FLRT1: variants seen among roughly 807,000 people sequenced by gnomAD.
The protein encoded by FLRT1 is fibronectin leucine rich transmembrane protein 1.
A neutral mutation model predicts 30.9 loss-of-function variants in FLRT1; 14 were observed. That is an observed-to-expected ratio of 0.45 (90% confidence interval 0.30 to 0.71). The LOEUF is 0.71. Ranked by LOEUF, FLRT1 falls within the 30% of genes least tolerant of loss-of-function variation. The pLI, the probability that FLRT1 is intolerant of heterozygous loss-of-function variation, is 0.08. For missense variants in FLRT1, 737 were observed against 949.2 expected (o/e 0.78, Z 2.94); for synonymous variants, 368 against 430.4 (o/e 0.85, Z 1.80).
intron 1 of FLRT1, among the ~76,000 whole-genome samples, chr11:64,051,672 G>A (rs1943698371): frequency 1.3e-5 from 2 of 152,292 alleles, no homozygotes; most frequent in Admixed American, 6.5e-5. Flanking sequence ...CCGAGCTCAC[G>A]GCCCGGAGCT....
chr11:64,089,163 A>G (rs12805664), intron 1 of FLRT1, among the ~76,000 whole-genome samples: 33,255 of 152,154 alleles, frequency 0.22, 3,993 homozygotes, highest in African/African-American at 0.32. Context: ...TTCCAGGCAC[A>G]GGGCGGGTCG....
At chr11:64,046,582 G>A (rs1943588349) in intron 1 of FLRT1, among the ~76,000 whole-genome samples, 1 of 152,088 alleles carries the variant, frequency 6.6e-6, no homozygotes. Context: ...ACGGAGTTTT[G>A]TTCTCGTCGC....
In FLRT1 at chr11:64,117,751, C is replaced by G. The variant is rs755883574; in HGVS notation, c.1484C>G (p.Thr495Arg). 6.8e-6 allele frequency: 11 copies of G among 1,613,934 alleles called. No individual in the cohort carries two copies. The highest frequency in any genetic ancestry group is 9.3e-6 in the Non-Finnish European group (11 of 1,180,040). ...VQGDKTEYLL[T>R]ALEPKSTYII... Reference sequence around the variant, plus strand: ...GGGGACAAGACAGAGTACCTGCTGACAGCCCTGGAGCCCAAGTCCACCTAC... The same window carrying G: ...GGGGACAAGACAGAGTACCTGCTGAGAGCCCTGGAGCCCAAGTCCACCTAC... Residue 495 changes from threonine (T) to arginine (R), a missense_variant, in exon 3 of 3, where the codon ACA (threonine) becomes AGA (arginine). Physicochemically the swap from Thr to Arg is moderately conservative, Grantham distance 71. Transcript: ENST00000682287.
In FLRT1 at chr11:64,082,517, G is replaced by C. The variant is rs376336011; in HGVS notation, c.-1037-20677G>C. Among the ~76,000 whole-genome samples the C allele has an allele frequency of 1.7e-4, 26 of 152,168 alleles. No individual in the cohort carries two copies. The East Asian group carries it at 2.3e-3, about 14-fold the overall frequency. ...GGTCCCAGGGGGTGAAACAAGGCTC[G>C]GTGCCTAACGGTGGTGGCCGTGGGA... is the stretch of plus-strand genomic sequence containing the variant. On this transcript the variant is annotated intron_variant, in intron 1 of 2. Transcript: ENST00000682287. The surrounding 1 kb of genome is among the most constrained non-coding windows in gnomAD (Gnocchi z 4.5).
chr11:64,078,906 G>T (rs1188070861), intron 1 of FLRT1, among the ~76,000 whole-genome samples: 1 of 152,224 alleles, frequency 6.6e-6, no homozygotes, highest in African/African-American at 2.4e-5. Context: ...GAGTTTGGCA[G>T]GTTCCAGGAC....
intron 1 of FLRT1, among the ~76,000 whole-genome samples, chr11:64,089,088 C>G (rs1380031079): frequency 6.6e-6 from 1 of 152,216 alleles, no homozygotes; most frequent in Admixed American, 6.5e-5. Flanking sequence ...CGGCCTGCTG[C>G]TGTGGCTCCT....
chr11:64,051,992 G>A (rs1943704009), intron 1 of FLRT1, among the ~76,000 whole-genome samples: 1 of 151,694 alleles, frequency 6.6e-6, no homozygotes, highest in African/African-American at 2.4e-5. Flanking sequence ...GGATGAGAGG[G>A]GGTCCAGGCG....
Position 64,117,345 on chromosome 11 carries a change from C to T in FLRT1, c.1078C>T (p.Pro360Ser). The T allele has an allele frequency of 6.2e-7, 1 of 1,613,910 alleles. No homozygotes were observed. The highest frequency in any genetic ancestry group is 8.5e-7 in the Non-Finnish European group (1 of 1,179,872). ...CGTGCGGGGCCTCATGTGCCAGGGCCCTGAGAAGGTCCGGGGCATGGCCAT... is the reference window on the plus strand; with the variant it reads ...CGTGCGGGGCCTCATGTGCCAGGGCTCTGAGAAGGTCCGGGGCATGGCCAT... ...VNVRGLMCQGPEKVRGMAIKD... is the reference protein window; with the variant it reads ...VNVRGLMCQGSEKVRGMAIKD... The change falls in exon 3 of 3, where the codon CCT becomes TCT. Residue 360 changes from proline to serine, a missense_variant. Physicochemically the swap from Pro to Ser is moderately conservative, Grantham distance 74. Coordinates refer to ENST00000682287, the MANE Select transcript of FLRT1 (RefSeq NM_013280.5).
At position 64,109,137 on chromosome 11, in the gene FLRT1, G is replaced by A. The variant is rs560221257; in HGVS notation, c.-50+4956G>A. On this transcript the variant is annotated intron_variant, in intron 2 of 2. Coordinates refer to ENST00000682287, the MANE Select transcript of FLRT1 (RefSeq NM_013280.5). ...GTGAAAGAGGAGACGTGGGAGTGAG[G>A]CCAGACAGGGATGGGGGGCTATTTC... Among the ~76,000 whole-genome samples the A allele has an allele frequency of 3.3e-5, 5 of 152,218 alleles. No homozygotes were observed. In the South Asian group the frequency reaches 1.0e-3, roughly 32 times the overall value.
chr11:64,071,617 G>A (rs750276815), intron 1 of FLRT1, among the ~76,000 whole-genome samples: 4 of 152,132 alleles, frequency 2.6e-5, no homozygotes, highest in Non-Finnish European at 5.9e-5. Flanking sequence ...TACAGGTTCT[G>A]TCGTATCACC....
intron 1 of FLRT1, among the ~76,000 whole-genome samples, chr11:64,052,404 T>G (rs1943711396): frequency 6.6e-6 from 1 of 152,216 alleles, no homozygotes; most frequent in African/African-American, 2.4e-5. Flanking sequence ...CTCAAATTCC[T>G]GGCCTCAAGC....
intron 1 of FLRT1, among the ~76,000 whole-genome samples, chr11:64,054,916 C>T (rs911348797): frequency 6.6e-6 from 1 of 152,112 alleles, no homozygotes; most frequent in Non-Finnish European, 1.5e-5. Flanking sequence ...TGGTGACCGC[C>T]CTCTTTCTCC....
At chr11:64,054,071 C>T (rs1943741310) in intron 1 of FLRT1, among the ~76,000 whole-genome samples, 1 of 152,162 alleles carries the variant, frequency 6.6e-6, no homozygotes, top group South Asian at 2.1e-4. Context: ...CAGCTGTCAC[C>T]TCCACCTGCG....
chr11:64,111,741 A>T (rs370492852), intron 2 of FLRT1, among the ~76,000 whole-genome samples: 35 of 152,244 alleles, frequency 2.3e-4, no homozygotes, highest in Non-Finnish European at 4.7e-4. Context: ...CTAGCTCTGC[A>T]TGCTGTCCTG....
intron 1 of FLRT1, among the ~76,000 whole-genome samples, chr11:64,039,589 C>A (rs1943447187): frequency 6.6e-6 from 1 of 152,162 alleles, no homozygotes; most frequent in Non-Finnish European, 1.5e-5. Flanking sequence ...GGGAAAAGGA[C>A]AGCACCCCTG....
intron 2 of FLRT1, among the ~76,000 whole-genome samples, chr11:64,106,813 T>C (rs947088862): frequency 1.3e-5 from 2 of 152,224 alleles, no homozygotes; most frequent in East Asian, 3.9e-4. Context: ...CTTTTCCTCA[T>C]CCCCCAAAAT....
chr11:64,038,950 G>GT (rs1296277263), intron 1 of FLRT1, among the ~76,000 whole-genome samples: 3 of 152,208 alleles, frequency 2.0e-5, no homozygotes, highest in Non-Finnish European at 4.4e-5. Flanking sequence ...GAGAGGATGC[G>GT]TATGAGGTTT....
intron 1 of FLRT1, among the ~76,000 whole-genome samples, chr11:64,094,434 A>G (rs1944541780): frequency 6.6e-6 from 1 of 151,922 alleles, no homozygotes. Flanking sequence ...CCAACTTAAA[A>G]AAAAAAAAAA....
chr11:64,071,395 A>T (rs1193231057), intron 1 of FLRT1, among the ~76,000 whole-genome samples: 1 of 152,084 alleles, frequency 6.6e-6, no homozygotes, highest in African/African-American at 2.4e-5. Context: ...TGAATGAATG[A>T]ATGAAACTCA....
Sources: allele counts gnomAD v4.1 joint callset (sites outside exome capture counted in the v4.1 genomes callset), GRCh38; gene constraint gnomAD v4.1.1; non-coding constraint Gnocchi (gnomAD v3.1); transcripts MANE v1.5; gene names NCBI Gene and HGNC (gene_info 2026-07-23, HGNC 2026-07-21).